Variants in UHRF2 observed in about 807,000 individuals in gnomAD.
UHRF2 encodes the protein ubiquitin like with PHD and ring finger domains 2.
In UHRF2, 23 loss-of-function variants were observed where a neutral mutation model predicts 96.8. The observed-to-expected ratio is 0.24, with a 90% CI of 0.17 to 0.34. The LOEUF is 0.34. UHRF2 is among the 10% of genes least tolerant of loss of function. The probability of loss-of-function intolerance (pLI) is 1.00; values close to 1 mark genes in which losing one functional copy is unlikely to be tolerated. For synonymous variants in UHRF2, 385 were observed against 332.6 expected, an observed-to-expected ratio of 1.16 and a Z score of -1.72; for missense variants, 685 against 981.5, an observed-to-expected ratio of 0.70 and a Z score of 4.04.
At chr9:6,473,828 C>T (rs1275319869) in intron 4 of UHRF2, among the ~76,000 whole-genome samples, 1 of 152,094 alleles carries the variant, frequency 6.6e-6, no homozygotes, top group African/African-American at 2.4e-5. Context: ...GTTTTTTGAC[C>T]TACGCTCCAG....
At chr9:6,471,447 G>C (rs186408463) in intron 4 of UHRF2, among the ~76,000 whole-genome samples, 11 of 152,236 alleles carry the variant, frequency 7.2e-5, no homozygotes, top group Admixed American at 6.5e-4. Flanking sequence ...GTGGCTCTTT[G>C]TGACCAATAG....
chr9:6,457,186 G>A (rs1822235247), intron 3 of UHRF2, among the ~76,000 whole-genome samples: 1 of 152,012 alleles, frequency 6.6e-6, no homozygotes, highest in African/African-American at 2.4e-5. Context: ...TTTTCGTTGA[G>A]CAGTGGTTTG....
chr9:6,504,745 T>G (rs1172555519), intron 15 of UHRF2, 54 bp downstream of exon 15: 1 of 1,396,292 alleles, frequency 7.2e-7, no homozygotes, highest in African/African-American at 1.4e-5. Context: ...CACACTAATT[T>G]CTATACCTGT....
intron 9 of UHRF2, among the ~76,000 whole-genome samples, chr9:6,489,609 G>A (rs1389643304): frequency 6.6e-6 from 1 of 152,054 alleles, no homozygotes; most frequent in African/African-American, 2.4e-5. Context: ...TAGCCATTCT[G>A]ATAGGTGTGT....
chr9:6,457,115 C>G (rs967097582), intron 3 of UHRF2, among the ~76,000 whole-genome samples: 1 of 152,180 alleles, frequency 6.6e-6, no homozygotes, highest in Non-Finnish European at 1.5e-5. Context: ...GGCATTTTCA[C>G]AATACTGATT....
At chr9:6,444,561 C>G (rs1322198186) in intron 3 of UHRF2, among the ~76,000 whole-genome samples, 1 of 152,190 alleles carries the variant, frequency 6.6e-6, no homozygotes, top group Non-Finnish European at 1.5e-5. Flanking sequence ...CTCTCTCTCC[C>G]TGCTTCCTCA....
intron 1 of UHRF2, among the ~76,000 whole-genome samples, chr9:6,420,222 A>T (rs1313120805): frequency 6.6e-6 from 1 of 151,720 alleles, no homozygotes; most frequent in African/African-American, 2.4e-5. Context: ...CGCCCAGCTA[A>T]TACTTTGTAT....
At position 6,446,582 on chromosome 9, in the gene UHRF2, C is replaced by G. The variant is rs115698679; in HGVS notation, c.644+12409C>G. On this transcript the variant is annotated intron_variant, in intron 3 of 15. Coordinates refer to ENST00000276893, the MANE Select transcript of UHRF2 (RefSeq NM_152896.3). ...TAATACTTAGATCTGGGCACAGTGG[C>G]TTATTCCTGTAATCCCAGCAGTTTG... Among the ~76,000 whole-genome samples, 899 of 151,268 alleles carry G rather than the reference C, an allele frequency of 5.9e-3. 11 individuals are homozygous for G. Among genetic ancestry groups the G allele is most frequent in the African/African-American group, 0.021 (865 of 41,336 alleles).
At chr9:6,500,830 C>G in intron 14 of UHRF2, 121 bp downstream of exon 14, 10 of 879,134 alleles carry the variant, frequency 1.1e-5, no homozygotes, top group Non-Finnish European at 3.4e-6. Context: ...GTTTTCTAAT[C>G]CAGTGCCACT....
chr9:6,469,082 T>C (rs1823056421), intron 4 of UHRF2, among the ~76,000 whole-genome samples: 2 of 152,290 alleles, frequency 1.3e-5, no homozygotes, highest in African/African-American at 4.8e-5. Flanking sequence ...ATAATTCAAG[T>C]TATCAGAGAA....
chr9:6,463,634 C>T (rs1822689993), intron 4 of UHRF2, among the ~76,000 whole-genome samples: 1 of 152,040 alleles, frequency 6.6e-6, no homozygotes, highest in Non-Finnish European at 1.5e-5. Flanking sequence ...CCATGCCCAT[C>T]TCATTTTTTG....
chr9:6,435,462 T>C (rs1338360158), intron 3 of UHRF2, among the ~76,000 whole-genome samples: 1 of 152,214 alleles, frequency 6.6e-6, no homozygotes, highest in Non-Finnish European at 1.5e-5. Context: ...TTGAGATAGT[T>C]CACATACAGT....
At chr9:6,483,012 A>C in intron 8 of UHRF2, among the ~76,000 whole-genome samples, 1 of 152,102 alleles carries the variant, frequency 6.6e-6, no homozygotes, top group East Asian at 1.9e-4. Flanking sequence ...TAGACACCAA[A>C]GTCTGTGGAT....
chr9:6,497,883 A>T, intron 11 of UHRF2, 135 bp from the exon 12 acceptor site: 6 of 1,092,848 alleles, frequency 5.5e-6, no homozygotes, highest in Non-Finnish European at 7.8e-6. Context: ...AATATTCTTG[A>T]CTTACTGTCC....
chr9:6,431,920 T>C (rs962334863), intron 2 of UHRF2, among the ~76,000 whole-genome samples: 10 of 152,230 alleles, frequency 6.6e-5, no homozygotes, highest in African/African-American at 1.9e-4. Flanking sequence ...AATATTTTTA[T>C]AGTAATATAT....
At chr9:6,446,639 G>T (rs1474728653) in intron 3 of UHRF2, among the ~76,000 whole-genome samples, 1 of 151,468 alleles carries the variant, frequency 6.6e-6, no homozygotes, top group East Asian at 2.0e-4. Context: ...ACTTGGGGAC[G>T]ACAGGCGTTT....
intron 9 of UHRF2, among the ~76,000 whole-genome samples, chr9:6,491,384 TCCTAACACCA>T (rs2130943223): frequency 6.6e-6 from 1 of 152,294 alleles, no homozygotes; most frequent in Admixed American, 6.5e-5. Context: ...AAAATGCTTC[TCCTAACACCA>T]CCTAACCCAC....
intron 4 of UHRF2, among the ~76,000 whole-genome samples, chr9:6,475,180 T>A (rs897133092): frequency 3.9e-5 from 6 of 152,012 alleles, no homozygotes; most frequent in African/African-American, 1.4e-4. Flanking sequence ...GAAGTCTGTA[T>A]TTTTTTTCTC....
intron 3 of UHRF2, among the ~76,000 whole-genome samples, chr9:6,441,944 G>C (rs1467115468): frequency 6.6e-6 from 1 of 152,074 alleles, no homozygotes; most frequent in East Asian, 1.9e-4. Context: ...AAATTCTTGA[G>C]TGGGGGAAAT....
Sources: gnomAD v4.1 joint callset for allele counts (sites outside exome capture counted in the v4.1 genomes callset) on GRCh38, gnomAD v4.1.1 for gene constraint, MANE v1.5 for transcripts, NCBI Gene and HGNC (gene_info 2026-07-23, HGNC 2026-07-21) for gene names.